Variants in NLRX1 observed in about 807,000 individuals in gnomAD.
NLRX1 encodes NOD-like receptor X1.
In NLRX1, 67 loss-of-function variants were observed where a neutral mutation model predicts 74.2. That is an observed-to-expected ratio of 0.90 (90% CI 0.74 to 1.11). The LOEUF (loss-of-function observed/expected upper bound fraction) is 1.11. Ranked by LOEUF, NLRX1 falls within the 50% of genes least tolerant of loss-of-function variation. The pLI, the probability that NLRX1 is intolerant of heterozygous loss-of-function variation, is 0.00. For missense variants in NLRX1, 1,191 were observed against 1,305.4 expected (o/e 0.91, Z 1.35); for synonymous variants, 506 against 559.1 (o/e 0.91, Z 1.34).
In NLRX1 at chr11:119,180,040, A is replaced by G. The variant is rs964694723; in HGVS notation, c.2019A>G (p.Ser673=). The G allele has an allele frequency of 2.5e-6, 4 of 1,613,516 alleles. No individual in the cohort carries two copies. Among genetic ancestry groups the G allele is most frequent in the Non-Finnish European group, 3.4e-6 (4 of 1,180,018 alleles). Residue 673 remains serine (S), a synonymous_variant, in exon 7 of 10, where the codon TCA becomes TCG. Transcript: ENST00000409109. ...TGGGCCGGCAGGTGCTGCCCCCATC[A>G]GAGCTCCTTGACCACCTCTTCTTCC... is the stretch of plus-strand genomic sequence containing the variant. ...GKLGRQVLPP[S]ELLDHLFFHY... is the part of the protein sequence containing the mutation.
At chr11:119,176,120 G>T (rs1351388988) in intron 6 of NLRX1, among the ~76,000 whole-genome samples, 2 of 152,248 alleles carry the variant, frequency 1.3e-5, no homozygotes, top group Non-Finnish European at 2.9e-5. Context: ...GGATATGTCT[G>T]TCGAGCTGTG....
chr11:119,182,425 G>A lies in NLRX1; in HGVS notation c.2606+80G>A. The A allele has an allele frequency of 4.5e-6, 7 of 1,541,130 alleles. 1 individual carries two copies. In the Admixed American group the frequency reaches 1.2e-4, roughly 27 times the overall value. ...TCAACTGTGCTCCTCCAATCCTAGGGAGTGCTTCTGGGCCTGGGCCTGGTG... is the reference window on the plus strand; with the variant it reads ...TCAACTGTGCTCCTCCAATCCTAGGAAGTGCTTCTGGGCCTGGGCCTGGTG... On this transcript the variant is annotated intron_variant, in intron 9 of 9. Transcript: ENST00000409109.
rs772532142 is a variant in NLRX1, at chr11:119,175,304, C to T, written c.1671+30C>T. Reference sequence around the variant, plus strand: ...CATCCCGATCAAGGTAACCCCCCAACCTGCTCCTTCCCTCCCCAGCACCCC... The same window carrying T: ...CATCCCGATCAAGGTAACCCCCCAATCTGCTCCTTCCCTCCCCAGCACCCC... On this transcript the variant is annotated intron_variant, in intron 6 of 9. Coordinates refer to ENST00000409109, the MANE Select transcript of NLRX1 (RefSeq NM_001282144.2). The T allele has an allele frequency of 3.2e-6, 5 of 1,579,854 alleles. No individual in the cohort carries two copies. In the East Asian group the frequency reaches 1.1e-4, roughly 36 times the overall value.
At chr11:119,172,687 G>C in intron 3 of NLRX1, among the ~76,000 whole-genome samples, 1 of 152,328 alleles carries the variant, frequency 6.6e-6, no homozygotes, top group South Asian at 2.1e-4. Flanking sequence ...TTCCAGGCGG[G>C]CAGTCAGCAG....
chr11:119,176,035 T>C (rs1948696624), intron 6 of NLRX1, among the ~76,000 whole-genome samples: 1 of 152,216 alleles, frequency 6.6e-6, no homozygotes, highest in Non-Finnish European at 1.5e-5. Context: ...ATCACTCAAA[T>C]AGTAAGTTTA....
rs148906584 is a variant in NLRX1 at position 119,182,118 on chromosome 11, G to A, written c.2379G>A (p.Ala793=). ...GGCTGTCCAACAACCCGCTGACGGC[G>A]GCAGGTGTTGCCGTGCTAATGGAGG... is the stretch of plus-strand genomic sequence containing the variant. ...TLRLSNNPLT[A]AGVAVLMEGL... is the part of the protein sequence containing the mutation. The change falls in exon 9 of 10, where the codon GCG becomes GCA. Residue 793 remains alanine (A), a synonymous_variant. Coordinates refer to ENST00000409109, the MANE Select transcript of NLRX1 (RefSeq NM_001282144.2). 3.7e-6 allele frequency: 6 copies of A among 1,614,010 alleles called. No individual in the cohort carries two copies. The highest frequency in any genetic ancestry group is 1.1e-5 in the South Asian group (1 of 91,076).
In NLRX1 at chr11:119,175,184, C is replaced by T. The variant is rs755187971; in HGVS notation, c.1581C>T (p.Gly527=). 5.6e-6 allele frequency: 9 copies of T among 1,614,056 alleles called. 1 individual carries two copies. In the South Asian group the frequency reaches 6.6e-5, roughly 12 times the overall value. The change falls in exon 6 of 10, where the codon GGC becomes GGT. Residue 527 remains glycine (G), a synonymous_variant. Coordinates refer to ENST00000409109, the MANE Select transcript of NLRX1 (RefSeq NM_001282144.2). ...KVGKEVAELV[G]RVGEDVSLVL... is the part of the protein sequence containing the mutation. ...GCAAGGAAGTGGCTGAGCTCGTGGG[C>T]CGTGTTGGGGAGGACGTCAGCCTGG...
rs1948879971 is a variant in NLRX1 at position 119,183,009 on chromosome 11, C to T, written c.2607-109C>T. 1 of 999,358 alleles carries T rather than the reference C, an allele frequency of 1.0e-6. No individual in the cohort carries two copies. The highest frequency in any genetic ancestry group is 1.6e-5 in the African/African-American group (1 of 62,184). The allele number at this position is 999,358 out of a possible 1,614,324, so 61.9% of individuals were successfully genotyped here. A position where few individuals can be genotyped will look rare whatever the true frequency, so the allele number is the denominator to read the frequency against. ...CTCATTGCAGTTACCTGATCGCACT[C>T]TGCAGCCAGGAGATGAGTTGTGAGG... On this transcript the variant is annotated intron_variant, in intron 9 of 9. Transcript: ENST00000409109. This position sits in a 1 kb window ranked among gnomAD's most constrained non-coding sequence, Gnocchi z 5.7.
At chr11:119,172,304 T>A in intron 2 of NLRX1, 52 bp from the exon 3 acceptor site, 1 of 1,386,004 alleles carries the variant, frequency 7.2e-7, no homozygotes, top group Non-Finnish European at 1.0e-6. Flanking sequence ...TAGACATGGG[T>A]TCTGTGTATT....
intron 1 of NLRX1, among the ~76,000 whole-genome samples, 195 bp downstream of exon 1, chr11:119,169,497 C>A (rs760771375): frequency 5.3e-5 from 8 of 152,218 alleles, no homozygotes; most frequent in Non-Finnish European, 1.0e-4. Context: ...CGGGCCAGCA[C>A]CCAGCCAGCT....
chr11:119,179,985 C>G lies in NLRX1; in HGVS notation c.1964C>G (p.Ala655Gly), dbSNP rs1948792617. The change falls in exon 7 of 10, where the codon GCC becomes GGC. Residue 655 changes from alanine to glycine, a missense_variant. Coordinates refer to ENST00000409109, the MANE Select transcript of NLRX1 (RefSeq NM_001282144.2). The part of the protein sequence containing the change: ...PIKNLDALEN[A>G]QAIKKKLGKL... Reference sequence around the variant, plus strand: ...AAGAACCTGGATGCCCTGGAGAATGCCCAGGCCATCAAGAAGAAGCTGGGC... The same window carrying G: ...AAGAACCTGGATGCCCTGGAGAATGGCCAGGCCATCAAGAAGAAGCTGGGC... The G allele has an allele frequency of 6.2e-7, 1 of 1,613,756 alleles. No homozygotes were observed. Among genetic ancestry groups the G allele is most frequent in the East Asian group, 2.2e-5 (1 of 44,870 alleles).
Position 119,183,883 on chromosome 11 carries a change from C to A in NLRX1, c.*444C>A. ...CTGCCTTATGCTCACCTGTGGACAC[C>A]GAGGATGCCCTCACATTGGTGCTTT... On this transcript the variant is annotated 3_prime_UTR_variant, in exon 10 of 10. Transcript: ENST00000409109. This position sits in a 1 kb window ranked among gnomAD's most constrained non-coding sequence, Gnocchi z 5.7. The A allele has an allele frequency of 1.3e-6, 1 of 780,836 alleles. No individual in the cohort carries two copies. Among genetic ancestry groups the A allele is most frequent in the Non-Finnish European group, 2.4e-6 (1 of 417,966 alleles). 48.4% of individuals were successfully genotyped at this position (780,836 alleles called of 1,614,324 possible).
chr11:119,181,337 C>G, intron 8 of NLRX1, 80 bp downstream of exon 8: 1 of 1,067,480 alleles, frequency 9.4e-7, no homozygotes, highest in Admixed American at 1.8e-5. Flanking sequence ...ATACTTGGCA[C>G]AGACCCACCC....
At position 119,183,449 on chromosome 11, in the gene NLRX1, G is replaced by T; in HGVS notation, c.*10G>T. 6.2e-7 allele frequency: 1 copy of T among 1,606,658 alleles called. No homozygotes were observed. The highest frequency in any genetic ancestry group is 8.5e-7 in the Non-Finnish European group (1 of 1,178,154). Reference sequence around the variant, plus strand: ...AAGCTCTGGAAGCTGAGACACTGGCGGCAGGCACCTAGCTATGTGACCACT... The same window carrying T: ...AAGCTCTGGAAGCTGAGACACTGGCTGCAGGCACCTAGCTATGTGACCACT... On this transcript the variant is annotated 3_prime_UTR_variant, in exon 10 of 10. Coordinates refer to ENST00000409109, the MANE Select transcript of NLRX1 (RefSeq NM_001282144.2). The surrounding 1 kb of genome is among the most constrained non-coding windows in gnomAD (Gnocchi z 5.7).
chr11:119,183,492 C>A lies in NLRX1; in HGVS notation c.*53C>A. 1 of 1,508,400 alleles carries A rather than the reference C, an allele frequency of 6.6e-7. No individual in the cohort carries two copies. The allele number at this position is 1,508,400 out of a possible 1,614,324, so 93.4% of individuals were successfully genotyped here. ...TGACCACTGGCCCTAAACCTTTTCC[C>A]TCTGTGGCCTCCTGGCTTGCACTGC... On this transcript the variant is annotated 3_prime_UTR_variant, in exon 10 of 10. Coordinates refer to ENST00000409109, the MANE Select transcript of NLRX1 (RefSeq NM_001282144.2). This position sits in a 1 kb window ranked among gnomAD's most constrained non-coding sequence, Gnocchi z 5.7.
chr11:119,181,026 G>A (rs1948823726), intron 7 of NLRX1, 145 bp from the exon 8 acceptor site: 1 of 648,096 alleles, frequency 1.5e-6, no homozygotes, highest in Admixed American at 2.3e-5. Flanking sequence ...GGGCAACAGA[G>A]TGAGACCCTG....
rs1287266477 is a variant in NLRX1 at position 119,175,127 on chromosome 11, G to A, written c.1524G>A (p.Leu508=). The change falls in exon 6 of 10, where the codon CTG becomes CTA. Residue 508 remains leucine (L), a synonymous_variant. Transcript: ENST00000409109. ...ACCTGGCTGCCCTCTACATTGTGCT[G>A]GGTTTGCGCAAGACGACCCTGCAAA... ...QEYLAALYIV[L]GLRKTTLQKV... 1 of 1,614,096 alleles carries A rather than the reference G, an allele frequency of 6.2e-7. No homozygotes were observed. Among genetic ancestry groups the A allele is most frequent in the African/African-American group, 1.3e-5 (1 of 74,934 alleles).
chr11:119,181,912 G>A (rs568192480), intron 8 of NLRX1, among the ~76,000 whole-genome samples, 182 bp from the exon 9 acceptor site: 1 of 152,262 alleles, frequency 6.6e-6, no homozygotes, highest in Non-Finnish European at 1.5e-5. Flanking sequence ...TATTGCTCCA[G>A]CCTTTCTCCT....
Position 119,172,945 on chromosome 11 carries a change from C to G in NLRX1, c.185C>G (p.Pro62Arg), listed in dbSNP as rs373665054. The change falls in exon 4 of 10, where the codon CCA (proline) becomes CGA (arginine). Residue 62 changes from proline to arginine, a missense_variant. Physicochemically the swap from Pro to Arg is moderately radical, Grantham distance 103. Coordinates refer to ENST00000409109, the MANE Select transcript of NLRX1 (RefSeq NM_001282144.2). ...HHGSSVDSAP[P>R]PGRHGRLFPS... is the part of the protein sequence containing the mutation. ...GGAAGCTCGGTAGATAGCGCTCCCC[C>G]ACCCGGGAGGCATGGACGGCTGTTC... The G allele has an allele frequency of 3.7e-6, 6 of 1,613,864 alleles. No individual in the cohort carries two copies. Among genetic ancestry groups the G allele is most frequent in the African/African-American group, 2.7e-5 (2 of 74,894 alleles).
Sources: allele counts gnomAD v4.1 joint callset (sites outside exome capture counted in the v4.1 genomes callset), GRCh38; gene constraint gnomAD v4.1.1; non-coding constraint Gnocchi (gnomAD v3.1); transcripts MANE v1.5; gene names NCBI Gene and HGNC (gene_info 2026-07-23, HGNC 2026-07-21).